The following ADAMTSL1 variants were observed in gnomAD, a reference collection of about 807,000 sequenced individuals.
ADAMTSL1 encodes the protein ADAMTS like 1.
ADAMTSL1 carries 126 observed loss-of-function variants against 201.8 expected under a neutral mutation model. The ratio of observed to expected loss-of-function variants is 0.62; its 90% confidence interval spans 0.54 to 0.72. The LOEUF (loss-of-function observed/expected upper bound fraction) is 0.72, where lower values mean the gene tolerates loss of function less well. Among genes scored for constraint, ADAMTSL1 ranks in the 30% least tolerant of loss-of-function variants. The pLI is 0.00. For missense variants in ADAMTSL1, 2,679 were observed against 2,277.8 expected, an observed-to-expected ratio of 1.18 and a Z score of -3.59; for synonymous variants, 1,121 against 903.4, an observed-to-expected ratio of 1.24 and a Z score of -4.32.
At chr9:18,896,949 C>T (rs891228805) in intron 26 of ADAMTSL1, among the ~76,000 whole-genome samples, 3 of 152,180 alleles carry the variant, frequency 2.0e-5, no homozygotes, top group African/African-American at 7.2e-5. Context: ...TTCCAGCTGC[C>T]TGCCGAGTGC....
At chr9:18,034,845 G>A (rs1020322880) in intron 1 of ADAMTSL1, among the ~76,000 whole-genome samples, 1 of 152,144 alleles carries the variant, frequency 6.6e-6, no homozygotes, top group Non-Finnish European at 1.5e-5. Flanking sequence ...TAAAGGAAAA[G>A]TTGTATTCGT....
chr9:18,555,878 C>T (rs956814237), intron 3 of ADAMTSL1, among the ~76,000 whole-genome samples: 1 of 151,920 alleles, frequency 6.6e-6, no homozygotes, highest in African/African-American at 2.4e-5. Flanking sequence ...TGGGTCAGCT[C>T]CTCACAGAAA....
Position 18,829,829 on chromosome 9 carries a change from C to G in ADAMTSL1, c.4115-14C>G. ...TGCTTTAACCTGCCTGATCCACCCT[C>G]TGCCTTCTCACAGATCCCCCCCAAG... On this transcript the variant is annotated splice_polypyrimidine_tract_variant and intron_variant, in intron 22 of 28. Coordinates refer to ENST00000380548, the MANE Select transcript of ADAMTSL1 (RefSeq NM_001040272.6). 6.2e-7 allele frequency: 1 copy of G among 1,613,946 alleles called. No homozygotes were observed. The highest frequency in any genetic ancestry group is 8.5e-7 in the Non-Finnish European group (1 of 1,179,830).
intron 2 of ADAMTSL1, among the ~76,000 whole-genome samples, chr9:18,389,037 G>T (rs1017436964): frequency 2.0e-5 from 3 of 152,208 alleles, no homozygotes; most frequent in Middle Eastern, 3.4e-3. Context: ...TTACAGGTGT[G>T]AGCCACTGCA....
chr9:18,008,021 C>T (rs1819900412), intron 1 of ADAMTSL1, among the ~76,000 whole-genome samples: 1 of 151,884 alleles, frequency 6.6e-6, no homozygotes, highest in Non-Finnish European at 1.5e-5. Flanking sequence ...TTCAAAGAAA[C>T]ATATTTTGCT....
Position 18,482,117 on chromosome 9 carries a change from C to T in ADAMTSL1, c.63+7822C>T, listed in dbSNP as rs1431234528. 6.6e-5 allele frequency among the ~76,000 whole-genome samples: 10 copies of T among 152,268 alleles called. No homozygotes were observed. In the South Asian group the frequency reaches 1.0e-3, roughly 16 times the overall value. On this transcript the variant is annotated intron_variant, in intron 1 of 28. Coordinates refer to ENST00000380548, the MANE Select transcript of ADAMTSL1 (RefSeq NM_001040272.6). The stretch of plus-strand genomic sequence containing the variant: ...AGTTCTTATTAAAATAAATTAATTA[C>T]AATAAGACCAAGATGACCTTGTGCA...
intron 2 of ADAMTSL1, among the ~76,000 whole-genome samples, chr9:18,282,104 C>T (rs1832813515): frequency 6.6e-6 from 1 of 152,118 alleles, no homozygotes; most frequent in Non-Finnish European, 1.5e-5. Flanking sequence ...TTCAATCCTT[C>T]CCCCGCTTTT....
chr9:18,598,562 T>A (rs10963661), intron 4 of ADAMTSL1, among the ~76,000 whole-genome samples: 13,213 of 152,184 alleles, frequency 0.087, 619 homozygotes, highest in East Asian at 0.11. Flanking sequence ...CCCTCCCTTG[T>A]GGCCAGATGA....
intron 2 of ADAMTSL1, among the ~76,000 whole-genome samples, chr9:18,264,138 G>C (rs909424127): frequency 6.6e-6 from 1 of 151,812 alleles, no homozygotes; most frequent in African/African-American, 2.4e-5. Context: ...AGAATTTTTG[G>C]TCATTGTCTA....
chr9:17,921,312 G>C (rs11793896), intron 1 of ADAMTSL1, among the ~76,000 whole-genome samples: 31,343 of 151,990 alleles, frequency 0.21, 3,405 homozygotes, highest in Middle Eastern at 0.26. Flanking sequence ...AGCCCTACAG[G>C]CCACATGGTT....
intron 2 of ADAMTSL1, among the ~76,000 whole-genome samples, chr9:18,380,621 G>A (rs1304134658): frequency 6.6e-6 from 1 of 152,194 alleles, no homozygotes; most frequent in South Asian, 2.1e-4. Context: ...ATGAGGCAAA[G>A]AGCAGTTTAA....
chr9:18,305,277 G>A (rs546683965), intron 2 of ADAMTSL1, among the ~76,000 whole-genome samples: 18 of 152,302 alleles, frequency 1.2e-4, no homozygotes, highest in African/African-American at 4.1e-4. Flanking sequence ...AAAACTGGGC[G>A]GCTGTTTGAG....
chr9:18,840,856 AG>A (rs1299829407), intron 23 of ADAMTSL1, among the ~76,000 whole-genome samples: 1 of 148,978 alleles, frequency 6.7e-6, no homozygotes, highest in African/African-American at 2.5e-5. Context: ...TTGGTGTATA[AG>A]AATGCTTGTG....
chr9:18,181,158 T>C (rs377339800), intron 2 of ADAMTSL1, among the ~76,000 whole-genome samples: 3 of 152,186 alleles, frequency 2.0e-5, no homozygotes, highest in East Asian at 3.9e-4. Flanking sequence ...AAGACTTAAA[T>C]GTTAGACCTA....
At chr9:18,721,985 C>T (rs1459792023) in intron 15 of ADAMTSL1, among the ~76,000 whole-genome samples, 2 of 152,262 alleles carry the variant, frequency 1.3e-5, no homozygotes, top group African/African-American at 2.4e-5. Context: ...TGGGCTCTGC[C>T]ACCTTTTAGC....
chr9:17,982,760 C>T (rs1280137585), intron 1 of ADAMTSL1, among the ~76,000 whole-genome samples: 2 of 151,992 alleles, frequency 1.3e-5, no homozygotes, highest in African/African-American at 2.4e-5. Flanking sequence ...AAGGGAATCA[C>T]CTGTCTGAGT....
intron 15 of ADAMTSL1, among the ~76,000 whole-genome samples, chr9:18,728,695 G>C (rs1818044538): frequency 6.6e-6 from 1 of 152,250 alleles, no homozygotes. Context: ...TAAGGCCTAA[G>C]TAGGAGTTAT....
chr9:17,972,303 T>G (rs1442102843), intron 1 of ADAMTSL1, among the ~76,000 whole-genome samples: 1 of 93,236 alleles, frequency 1.1e-5, no homozygotes, highest in African/African-American at 3.9e-5. Context: ...CCTAATGCTA[T>G]CCCTCCCCCC....
intron 26 of ADAMTSL1, among the ~76,000 whole-genome samples, chr9:18,901,157 A>G (rs778383467): frequency 2.0e-5 from 3 of 152,020 alleles, no homozygotes; most frequent in Admixed American, 2.0e-4. Context: ...TTAAAAAAAA[A>G]AAAGAAAAAT....
Sources: allele counts gnomAD v4.1 joint callset (sites outside exome capture counted in the v4.1 genomes callset), GRCh38; gene constraint gnomAD v4.1.1; transcripts MANE v1.5; gene names NCBI Gene and HGNC (gene_info 2026-07-23, HGNC 2026-07-21).